ZNF572: variants seen among roughly 807,000 people sequenced by gnomAD.
ZNF572 encodes zinc finger protein 572.
In ZNF572, 2 loss-of-function variants were observed where a neutral mutation model predicts 3.8. The ratio of observed to expected loss-of-function variants is 0.52; its 90% CI spans 0.21 to 1.65. The LOEUF is 1.65. Among genes scored for constraint, ZNF572 ranks in the 40% most tolerant of loss-of-function variants. The probability of loss-of-function intolerance (pLI) is 0.20; values close to 1 mark genes in which losing one functional copy is unlikely to be tolerated. For synonymous variants in ZNF572, 187 were observed against 204.5 expected (o/e 0.91, Z 0.73); for missense variants, 581 against 633.4 (o/e 0.92, Z 0.89).
In ZNF572 at chr8:124,978,302, G is replaced by A; in HGVS notation, c.*444G>A. On this transcript the variant is annotated 3_prime_UTR_variant, in exon 3 of 3. Transcript: ENST00000319286. ...TGATTTCCTGGCTATTTTGTTGGGGGCTTAAGATTTTTTTTTTTCAAATGC... is the reference window on the plus strand; with the variant it reads ...TGATTTCCTGGCTATTTTGTTGGGGACTTAAGATTTTTTTTTTTCAAATGC... The A allele has an allele frequency of 6.3e-6, 1 of 157,726 alleles. No homozygotes were observed. 9.8% of individuals were successfully genotyped at this position (157,726 alleles called of 1,614,324 possible). A position where few individuals can be genotyped will look rare whatever the true frequency, so the allele number is the denominator to read the frequency against.
At chr8:124,976,207 TA>T (rs1814503257) in intron 2 of ZNF572, 140 bp from the exon 3 acceptor site, 4 of 679,118 alleles carry the variant, frequency 5.9e-6, no homozygotes, top group Admixed American at 3.6e-5. Context: ...GGAAAAGAAG[TA>T]AAACTGTCTT....
In ZNF572 at chr8:124,975,634, C is replaced by G; in HGVS notation, c.-7C>G. On this transcript the variant is annotated 5_prime_UTR_variant, in exon 2 of 3. It adds an upstream start codon to the 5' untranslated region. Transcript: ENST00000319286. ...TTCTGATCTCTAACTTGGCTGTGAT[C>G]ATTGTGATGGAGCAAGAAAAAAAAC... 6.2e-7 allele frequency: 1 copy of G among 1,612,546 alleles called. No individual in the cohort carries two copies. The highest frequency in any genetic ancestry group is 1.1e-5 in the South Asian group (1 of 91,026).
chr8:124,975,805 A>G, intron 2 of ZNF572, 86 bp downstream of exon 2: 1 of 1,055,250 alleles, frequency 9.5e-7, no homozygotes, highest in Non-Finnish European at 1.5e-6. Context: ...CCTTAATTTA[A>G]TTCCTTGTTC....
At position 124,977,270 on chromosome 8, in the gene ZNF572, G is replaced by T. The variant is rs1814521110; in HGVS notation, c.1002G>T (p.Gly334=). 1.2e-6 allele frequency: 2 copies of T among 1,613,548 alleles called. No individual in the cohort carries two copies. The highest frequency in any genetic ancestry group is 2.7e-5 in the African/African-American group (2 of 74,828). ...AGCCTTATCAATGTCCAGAATGTGG[G>T]AAGAATTTTAGTCGTAGTTCAAACC... ...GEKPYQCPEC[G]KNFSRSSNLI... is the part of the protein sequence containing the mutation. Residue 334 remains glycine, a synonymous_variant, in exon 3 of 3, where the codon GGG becomes GGT. Coordinates refer to ENST00000319286, the MANE Select transcript of ZNF572 (RefSeq NM_152412.3).
In ZNF572 at chr8:124,979,193, GC is replaced by G; in HGVS notation, c.*1336del. On this transcript the variant is annotated 3_prime_UTR_variant, in exon 3 of 3. Coordinates refer to ENST00000319286, the MANE Select transcript of ZNF572 (RefSeq NM_152412.3). ...TCAGAATGTATTTTATGAATAATAT[GC>G]AGAGATGCATATTAGGAATGTGAAG... The G allele has an allele frequency of 6.5e-6, 1 of 152,678 alleles. No individual in the cohort carries two copies. Among genetic ancestry groups the G allele is most frequent in the Middle Eastern group, 3.4e-3 (1 of 294 alleles). 9.5% of individuals were successfully genotyped at this position (152,678 alleles called of 1,614,324 possible). A position where few individuals can be genotyped will look rare whatever the true frequency, so the allele number is the denominator to read the frequency against.
chr8:124,973,772 T>C (rs1814467839), intron 1 of ZNF572, among the ~76,000 whole-genome samples: 1 of 152,198 alleles, frequency 6.6e-6, no homozygotes, highest in Admixed American at 6.5e-5. Context: ...AAAACACTCC[T>C]TCCCCGTGGA....
rs1459583209 is a variant in ZNF572, at chr8:124,976,562, T to C, written c.294T>C (p.Phe98=). Residue 98 remains phenylalanine (F), a synonymous_variant, in exon 3 of 3, where the codon TTT becomes TTC. Coordinates refer to ENST00000319286, the MANE Select transcript of ZNF572 (RefSeq NM_152412.3). Reference sequence around the variant, plus strand: ...GCAAGTCAGAGAATTGGGGAAATTTTATAGCTAAAGAGGAGGAAAAACCCA... The same window carrying C: ...GCAAGTCAGAGAATTGGGGAAATTTCATAGCTAAAGAGGAGGAAAAACCCA... ...SDGKSENWGN[F]IAKEEEKPNH... 11 of 1,614,164 alleles carry C rather than the reference T, an allele frequency of 6.8e-6. No homozygotes were observed. The highest frequency in any genetic ancestry group is 9.3e-6 in the Non-Finnish European group (11 of 1,180,010).
At chr8:124,974,496 G>A (rs1309760131) in intron 1 of ZNF572, among the ~76,000 whole-genome samples, 1 of 152,096 alleles carries the variant, frequency 6.6e-6, no homozygotes, top group Non-Finnish European at 1.5e-5. Context: ...GCACATAATA[G>A]GCAGTAATGG....
In ZNF572 at chr8:124,976,594, A is replaced by C; in HGVS notation, c.326A>C (p.Gln109Pro). 6.2e-7 allele frequency: 1 copy of C among 1,614,210 alleles called. No homozygotes were observed. The highest frequency in any genetic ancestry group is 8.5e-7 in the Non-Finnish European group (1 of 1,180,022). The change falls in exon 3 of 3, where the codon CAG (glutamine) becomes CCG (proline). Residue 109 changes from glutamine (Q) to proline (P), a missense_variant. Gln to Pro is a moderately conservative substitution (Grantham distance 76, BLOSUM62 -1). Coordinates refer to ENST00000319286, the MANE Select transcript of ZNF572 (RefSeq NM_152412.3). ...IAKEEEKPNH[Q>P]EWDSGEHTNA... ...AAAGAGGAGGAAAAACCCAATCACC[A>C]GGAATGGGACTCAGGAGAACATACC...
rs1199120827 is a variant in ZNF572, at chr8:124,976,552, G to C, written c.284G>C (p.Trp95Ser). ...SYESDGKSEN[W>S]GNFIAKEEEK... ...GAGAGTGATGGCAAGTCAGAGAATT[G>C]GGGAAATTTTATAGCTAAAGAGGAG... The change falls in exon 3 of 3, where the codon TGG becomes TCG. Residue 95 changes from tryptophan to serine, a missense_variant. Physicochemically the swap from Trp to Ser is radical, Grantham distance 177 (BLOSUM62 -3). Transcript: ENST00000319286. 1 of 1,614,098 alleles carries C rather than the reference G, an allele frequency of 6.2e-7. No homozygotes were observed.
rs1240257029 is a variant in ZNF572, at chr8:124,976,759, A to C, written c.491A>C (p.Glu164Ala). ...HSGEKPYKCS[E>A]CAKCFCNSSH... ...GGAGAAAAGCCTTATAAATGCTCTG[A>C]GTGTGCAAAATGTTTTTGTAACAGT... Residue 164 changes from glutamate to alanine, a missense_variant, in exon 3 of 3, where the codon GAG becomes GCG. By Grantham distance (107) the Glu-to-Ala change is moderately radical. Transcript: ENST00000319286. The C allele has an allele frequency of 1.9e-6, 3 of 1,614,098 alleles. No homozygotes were observed. The highest frequency in any genetic ancestry group is 2.5e-6 in the Non-Finnish European group (3 of 1,180,032).
At position 124,979,386 on chromosome 8, in the gene ZNF572, T is replaced by C. The variant is rs1005376273; in HGVS notation, c.*1528T>C. 1 of 152,528 alleles carries C rather than the reference T, an allele frequency of 6.6e-6. No homozygotes were observed. The highest frequency in any genetic ancestry group is 2.4e-5 in the African/African-American group (1 of 41,400). 9.4% of individuals were successfully genotyped at this position (152,528 alleles called of 1,614,324 possible). On this transcript the variant is annotated 3_prime_UTR_variant, in exon 3 of 3. Transcript: ENST00000319286. Reference sequence around the variant, plus strand: ...CAAAAATAAAGCAAAAACTAACAAATAAAGGTATTGGAGAATTTGGGGGAA... The same window carrying C: ...CAAAAATAAAGCAAAAACTAACAAACAAAGGTATTGGAGAATTTGGGGGAA...
chr8:124,978,678 T>C lies in ZNF572; in HGVS notation c.*820T>C, dbSNP rs1462455711. The C allele has an allele frequency of 6.6e-6, 1 of 152,238 alleles. No homozygotes were observed. The highest frequency in any genetic ancestry group is 1.5e-5 in the Non-Finnish European group (1 of 68,040). 9.4% of individuals were successfully genotyped at this position (152,238 alleles called of 1,614,324 possible). A position where few individuals can be genotyped will look rare whatever the true frequency, so the allele number is the denominator to read the frequency against. On this transcript the variant is annotated 3_prime_UTR_variant, in exon 3 of 3. Coordinates refer to ENST00000319286, the MANE Select transcript of ZNF572 (RefSeq NM_152412.3). The stretch of plus-strand genomic sequence containing the variant: ...GAAGACACTGGGTTTAGACATTGGA[T>C]ATTTTAATGATTGTGTGTTCTAATT...
chr8:124,976,554 G>A lies in ZNF572; in HGVS notation c.286G>A (p.Gly96Arg). 6.2e-7 allele frequency: 1 copy of A among 1,614,134 alleles called. No individual in the cohort carries two copies. The highest frequency in any genetic ancestry group is 1.3e-5 in the African/African-American group (1 of 75,048). The stretch of plus-strand genomic sequence containing the variant: ...GAGTGATGGCAAGTCAGAGAATTGG[G>A]GAAATTTTATAGCTAAAGAGGAGGA... Reference protein sequence around the residue: ...YESDGKSENWGNFIAKEEEKP... With the variant: ...YESDGKSENWRNFIAKEEEKP... Residue 96 changes from glycine (G) to arginine (R), a missense_variant, in exon 3 of 3, where the codon GGA (glycine) becomes AGA (arginine). Coordinates refer to ENST00000319286, the MANE Select transcript of ZNF572 (RefSeq NM_152412.3).
chr8:124,977,594 T>C lies in ZNF572; in HGVS notation c.1326T>C (p.Cys442=). The C allele has an allele frequency of 6.2e-7, 1 of 1,614,208 alleles. No homozygotes were observed. Among genetic ancestry groups the C allele is most frequent in the Non-Finnish European group, 8.5e-7 (1 of 1,180,030 alleles). ...ATACAGGAGAGAAACCTTATAAATG[T>C]CCTGATTGTGGTGAAAGCTTCAGTC... The part of the protein sequence containing the change: ...RTHTGEKPYK[C]PDCGESFSQS... The change falls in exon 3 of 3, where the codon TGT becomes TGC. Residue 442 remains cysteine (C), a synonymous_variant. Transcript: ENST00000319286.
rs2129829653 is a variant in ZNF572 at position 124,978,438 on chromosome 8, T to A, written c.*580T>A. Reference sequence around the variant, plus strand: ...TATTAAGATTAATTGAAATTTTAAATCCAGTTCCTCAGTCACACTAGCCAC... The same window carrying A: ...TATTAAGATTAATTGAAATTTTAAAACCAGTTCCTCAGTCACACTAGCCAC... On this transcript the variant is annotated 3_prime_UTR_variant, in exon 3 of 3. Transcript: ENST00000319286. The A allele has an allele frequency of 6.6e-6, 1 of 152,346 alleles. No homozygotes were observed. Among genetic ancestry groups the A allele is most frequent in the South Asian group, 2.1e-4 (1 of 4,820 alleles). The allele number at this position is 152,346 out of a possible 1,614,324, so 9.4% of individuals were successfully genotyped here. A position where few individuals can be genotyped will look rare whatever the true frequency, so the allele number is the denominator to read the frequency against.
At chr8:124,975,475 G>T (rs1814495420) in intron 1 of ZNF572, 131 bp from the exon 2 acceptor site, 2 of 561,652 alleles carry the variant, frequency 3.6e-6, no homozygotes, top group South Asian at 5.5e-5. Context: ...GCTAAAAGTT[G>T]TGTTTCTTAT....
Position 124,976,491 on chromosome 8 carries a change from T to G in ZNF572, c.223T>G (p.Trp75Gly). ...HEDAKEMPLT[W>G]VQDEIWCHDS... ...GGATGCAAAAGAAATGCCACTGACATGGGTTCAAGATGAGATTTGGTGTCA... is the reference window on the plus strand; with the variant it reads ...GGATGCAAAAGAAATGCCACTGACAGGGGTTCAAGATGAGATTTGGTGTCA... The change falls in exon 3 of 3, where the codon TGG becomes GGG. Residue 75 changes from tryptophan to glycine, a missense_variant. Transcript: ENST00000319286. 1.9e-6 allele frequency: 3 copies of G among 1,614,108 alleles called. No homozygotes were observed. Among genetic ancestry groups the G allele is most frequent in the Non-Finnish European group, 2.5e-6 (3 of 1,180,010 alleles).
rs956966062 is a variant in ZNF572 at position 124,976,622 on chromosome 8, T to C, written c.354T>C (p.Asn118=). ...HQEWDSGEHT[N]ACVQQNSSFV... is the part of the protein sequence containing the mutation. The stretch of plus-strand genomic sequence containing the variant: ...AATGGGACTCAGGAGAACATACCAA[T>C]GCCTGTGTCCAGCAGAATTCATCCT... The change falls in exon 3 of 3, where the codon AAT becomes AAC. Residue 118 remains asparagine (N), a synonymous_variant. Coordinates refer to ENST00000319286, the MANE Select transcript of ZNF572 (RefSeq NM_152412.3). 5 of 1,614,154 alleles carry C rather than the reference T, an allele frequency of 3.1e-6. No individual in the cohort carries two copies. Among genetic ancestry groups the C allele is most frequent in the Non-Finnish European group, 2.5e-6 (3 of 1,180,024 alleles).
Sources: allele counts gnomAD v4.1 joint callset (sites outside exome capture counted in the v4.1 genomes callset), GRCh38; gene constraint gnomAD v4.1.1; transcripts MANE v1.5; gene names NCBI Gene and HGNC (gene_info 2026-07-23, HGNC 2026-07-21).